RELN: variants seen among roughly 807,000 people sequenced by gnomAD.
RELN encodes the protein reelin.
RELN carries 108 observed loss-of-function variants against 427.6 expected under a neutral mutation model. The observed-to-expected ratio is 0.25, with a 90% confidence interval of 0.22 to 0.30. The LOEUF is 0.30. Ranked by LOEUF, RELN falls within the 10% of genes least tolerant of loss-of-function variation. The probability of loss-of-function intolerance (pLI) is 1.00; values close to 1 mark genes in which losing one functional copy is unlikely to be tolerated. For synonymous variants in RELN, 1,524 were observed against 1,513.4 expected (o/e 1.01, Z -0.16); for missense variants, 3,715 against 4,302.8 (o/e 0.86, Z 3.82).
At chr7:103,587,142 A>G (rs550518507) in intron 28 of RELN, among the ~76,000 whole-genome samples, 166 of 152,360 alleles carry the variant, frequency 1.1e-3, no homozygotes, top group Non-Finnish European at 1.7e-3. Context: ...CTACAAAGCA[A>G]TAGTAAGCAA....
intron 1 of RELN, among the ~76,000 whole-genome samples, chr7:103,917,800 C>T (rs957149168): frequency 4.6e-5 from 7 of 152,012 alleles, no homozygotes; most frequent in African/African-American, 1.4e-4. Context: ...GGTTTTATAA[C>T]CATAAAATCA....
chr7:103,701,057 C>T (rs761735361), intron 8 of RELN, 51 bp from the exon 9 acceptor site: 2 of 1,001,372 alleles, frequency 2.0e-6, no homozygotes, highest in South Asian at 2.6e-5. Flanking sequence ...GGTGCAAATA[C>T]ATATTATCTT....
chr7:103,967,499 A>C (rs997702976), intron 1 of RELN, among the ~76,000 whole-genome samples: 8 of 152,114 alleles, frequency 5.3e-5, no homozygotes, highest in Admixed American at 6.5e-5. Context: ...CCTTTTCTTC[A>C]ATTAGGTTCC....
At chr7:103,972,521 T>A (rs562349159) in intron 1 of RELN, among the ~76,000 whole-genome samples, 18 of 152,198 alleles carry the variant, frequency 1.2e-4, no homozygotes, top group Non-Finnish European at 2.4e-4. Context: ...ACTGTCCCAC[T>A]GAGAAGCACT....
intron 51 of RELN, among the ~76,000 whole-genome samples, chr7:103,509,266 C>G (rs184958059): frequency 1.4e-3 from 208 of 152,232 alleles, no homozygotes; most frequent in Non-Finnish European, 2.4e-3. Context: ...TATAAGGCAA[C>G]AGTAACAAAA....
chr7:103,758,764 C>T (rs977242995), intron 4 of RELN, among the ~76,000 whole-genome samples: 1 of 149,958 alleles, frequency 6.7e-6, no homozygotes, highest in Non-Finnish European at 1.5e-5. Flanking sequence ...CTTATGATTT[C>T]TTTTCCAGAT....
chr7:103,927,465 A>G (rs967908229), intron 1 of RELN, among the ~76,000 whole-genome samples: 2 of 152,238 alleles, frequency 1.3e-5, no homozygotes, highest in African/African-American at 4.8e-5. Context: ...CTAATATGCT[A>G]CAACTGAATT....
chr7:103,871,581 G>A (rs1025028855), intron 2 of RELN, among the ~76,000 whole-genome samples: 5 of 152,078 alleles, frequency 3.3e-5, no homozygotes, highest in South Asian at 2.1e-4. Context: ...GTTGTTTACT[G>A]GCATACTGCA....
chr7:103,948,033 C>T (rs1268202897), intron 1 of RELN, among the ~76,000 whole-genome samples: 1 of 152,084 alleles, frequency 6.6e-6, no homozygotes, highest in Non-Finnish European at 1.5e-5. Context: ...AGATGAATAA[C>T]ATTACTTTTG....
chr7:103,870,997 G>A (rs1409258391), intron 2 of RELN, among the ~76,000 whole-genome samples: 1 of 152,080 alleles, frequency 6.6e-6, no homozygotes, highest in Non-Finnish European at 1.5e-5. Context: ...TCTGCAGTTA[G>A]GAAACTGTCT....
intron 64 of RELN, among the ~76,000 whole-genome samples, chr7:103,474,054 A>G (rs553086108): frequency 1.8e-4 from 27 of 152,318 alleles, no homozygotes; most frequent in Non-Finnish European, 3.4e-4. Context: ...TGCATTATCA[A>G]TCATCAATAT....
At chr7:103,758,109 G>A (rs1791207876) in intron 4 of RELN, among the ~76,000 whole-genome samples, 1 of 152,126 alleles carries the variant, frequency 6.6e-6, no homozygotes, top group Non-Finnish European at 1.5e-5. Context: ...ATGTATTTGT[G>A]TTTCGATGAA....
intron 3 of RELN, among the ~76,000 whole-genome samples, chr7:103,792,344 A>T (rs1792185012): frequency 6.6e-6 from 1 of 152,226 alleles, no homozygotes; most frequent in Non-Finnish European, 1.5e-5. Context: ...TGATTGGCTA[A>T]ATAAAATGTG....
intron 50 of RELN, 73 bp from the exon 51 acceptor site, chr7:103,511,078 A>G: frequency 9.5e-7 from 1 of 1,048,972 alleles, no homozygotes. Flanking sequence ...CACTTTAAGC[A>G]AGACATAGAA....
intron 22 of RELN, among the ~76,000 whole-genome samples, chr7:103,605,945 G>T (rs1831808533): frequency 6.6e-6 from 1 of 152,152 alleles, no homozygotes; most frequent in South Asian, 2.1e-4. Context: ...TGGAACATAC[G>T]ATGGGACAGA....
rs937942267 is a variant in RELN at position 103,824,753 on chromosome 7, G to T, written c.473+8784C>A. ...CTATGCCAGTTCAGTCTTCCATGAT[G>T]CCAGAAATCCTCTACAAACATATTT... On this transcript the variant is annotated intron_variant, in intron 3 of 64. Transcript: ENST00000428762. This position sits in a 1 kb window ranked among gnomAD's most constrained non-coding sequence, Gnocchi z 4.4. 2.0e-5 allele frequency among the ~76,000 whole-genome samples: 3 copies of T among 151,418 alleles called. No individual in the cohort carries two copies. The highest frequency in any genetic ancestry group is 7.3e-5 in the African/African-American group (3 of 41,272).
At position 103,575,238 on chromosome 7, in the gene RELN, G is replaced by A. The variant is rs116856606; in HGVS notation, c.4303+310C>T. ...CAGAGTTATTGTTAGAATTAAAGGG[G>A]ATGAAATAAAAAGAACCTCAATGTC... On this transcript the variant is annotated intron_variant, in intron 29 of 64. Transcript: ENST00000428762. Among the ~76,000 whole-genome samples the A allele has an allele frequency of 1.1e-3, 160 of 152,304 alleles. 4 individuals carry two copies. The highest frequency in any genetic ancestry group is 3.4e-3 in the Middle Eastern group (1 of 294).
chr7:103,875,565 C>T (rs1794458713), intron 2 of RELN, among the ~76,000 whole-genome samples: 1 of 152,036 alleles, frequency 6.6e-6, no homozygotes, highest in South Asian at 2.1e-4. Context: ...ATGTGTTACA[C>T]CAGAAAGATG....
chr7:103,702,257 G>A (rs1834109319), intron 8 of RELN, among the ~76,000 whole-genome samples: 1 of 152,148 alleles, frequency 6.6e-6, no homozygotes, highest in South Asian at 2.1e-4. Flanking sequence ...AATTATGTAG[G>A]ACAAACTTCA....
Sources: allele counts gnomAD v4.1 joint callset (sites outside exome capture counted in the v4.1 genomes callset), GRCh38; gene constraint gnomAD v4.1.1; non-coding constraint Gnocchi (gnomAD v3.1); transcripts MANE v1.5; gene names NCBI Gene and HGNC (gene_info 2026-07-23, HGNC 2026-07-21).